Variants in SEC14L5 observed in about 807,000 individuals in gnomAD.
SEC14L5 encodes the protein SEC14 like lipid binding 5.
SEC14L5 carries 96 observed loss-of-function variants against 84.6 expected under a neutral mutation model. The observed-to-expected ratio is 1.13, with a 90% CI of 0.96 to 1.34. The LOEUF (loss-of-function observed/expected upper bound fraction) is 1.34, where lower values mean the gene tolerates loss of function less well. Ranked by LOEUF, SEC14L5 falls within the 40% of genes most tolerant of loss-of-function variation. The probability of loss-of-function intolerance (pLI) is 0.00; values close to 1 mark genes in which losing one functional copy is unlikely to be tolerated. For missense variants in SEC14L5, 1,224 were observed against 942.5 expected (o/e 1.30, Z -3.91); for synonymous variants, 546 against 383.4 (o/e 1.42, Z -4.95).
intron 2 of SEC14L5, among the ~76,000 whole-genome samples, chr16:4,985,551 T>C (rs375055102): frequency 3.3e-5 from 5 of 152,260 alleles, no homozygotes; most frequent in East Asian, 3.9e-4. Context: ...GTTGCATGTG[T>C]ATATCCAATT....
intron 3 of SEC14L5, 44 bp downstream of exon 3, chr16:4,987,750 C>T (rs375540832): frequency 2.2e-6 from 3 of 1,340,416 alleles, no homozygotes; most frequent in Non-Finnish European, 2.9e-6. Flanking sequence ...GGACCTGTTG[C>T]GGAGGTGCGG....
intron 15 of SEC14L5, among the ~76,000 whole-genome samples, chr16:5,013,591 C>T (rs932527488): frequency 8.6e-6 from 1 of 116,228 alleles, no homozygotes; most frequent in Non-Finnish European, 1.7e-5. Context: ...CAGGGTTTCA[C>T]TCTGTCACCC....
At chr16:4,999,628 AAG>A (rs1262153932) in intron 8 of SEC14L5, among the ~76,000 whole-genome samples, 1 of 151,482 alleles carries the variant, frequency 6.6e-6, no homozygotes, top group African/African-American at 2.4e-5. Context: ...TCAAAGAACA[AAG>A]AGGCCAGGCA....
intron 2 of SEC14L5, among the ~76,000 whole-genome samples, chr16:4,983,802 G>A (rs757781050): frequency 6.6e-6 from 1 of 151,648 alleles, no homozygotes; most frequent in Non-Finnish European, 1.5e-5. Flanking sequence ...GCTTGAACCT[G>A]GGAGGTGGAG....
At chr16:5,008,714 T>A in intron 14 of SEC14L5, 66 bp downstream of exon 14, 1 of 1,398,938 alleles carries the variant, frequency 7.1e-7, no homozygotes, top group South Asian at 1.2e-5. Flanking sequence ...CGTGCCAGGC[T>A]TCTGGGGATA....
At chr16:5,003,616 TGGGATG>T in intron 11 of SEC14L5, 43 bp downstream of exon 11, 2 of 130,936 alleles carry the variant, frequency 1.5e-5, no homozygotes, top group Non-Finnish European at 3.1e-5. Flanking sequence ...TGGGGGTGGG[TGGGATG>T]GGAGGGGTTC....
chr16:4,971,528 C>G (rs984233406), intron 2 of SEC14L5, among the ~76,000 whole-genome samples: 1 of 152,204 alleles, frequency 6.6e-6, no homozygotes, highest in African/African-American at 2.4e-5. Flanking sequence ...CTTTGTTGTT[C>G]ATGGCTGATT....
chr16:4,963,592 C>A (rs909613925), intron 2 of SEC14L5, among the ~76,000 whole-genome samples: 1 of 152,220 alleles, frequency 6.6e-6, no homozygotes, highest in South Asian at 2.1e-4. Flanking sequence ...GTGTTCCGCC[C>A]GCCTTGGCCT....
At chr16:5,003,605 CT>C in intron 11 of SEC14L5, 32 bp downstream of exon 11, 1 of 217,328 alleles carries the variant, frequency 4.6e-6, no homozygotes. Context: ...AGGACTCTCC[CT>C]GGGGGTGGGT....
intron 2 of SEC14L5, among the ~76,000 whole-genome samples, chr16:4,977,657 C>T (rs1294211560): frequency 2.0e-5 from 3 of 151,678 alleles, no homozygotes; most frequent in Non-Finnish European, 2.9e-5. Context: ...TGGGTAGAGC[C>T]CAGGACCTGT....
In SEC14L5 at chr16:4,971,951, G is replaced by A. The variant is rs76305152; in HGVS notation, c.63+12565G>A. ...GCATTGAGACTGTAAACAAACAAAC[G>A]CAGACATAATGTCCTATTCCAAACC... On this transcript the variant is annotated intron_variant, in intron 2 of 15. Transcript: ENST00000251170. Among the ~76,000 whole-genome samples the A allele has an allele frequency of 2.2e-3, 328 of 152,080 alleles. 3 individuals are homozygous for A. The highest frequency in any genetic ancestry group is 7.4e-3 in the African/African-American group (307 of 41,474).
At chr16:4,988,645 T>A (rs1233869363) in intron 4 of SEC14L5, among the ~76,000 whole-genome samples, 1 of 152,230 alleles carries the variant, frequency 6.6e-6, no homozygotes, top group East Asian at 1.9e-4. Flanking sequence ...TGCCTCAGTT[T>A]CCTCACGTGT....
intron 2 of SEC14L5, among the ~76,000 whole-genome samples, chr16:4,966,941 C>T (rs139886193): frequency 5.4e-4 from 82 of 152,320 alleles, no homozygotes; most frequent in Non-Finnish European, 9.7e-4. Flanking sequence ...CCGGCCAAGC[C>T]CGGGAGTGTT....
chr16:4,994,066 T>C (rs1284871796), intron 6 of SEC14L5, among the ~76,000 whole-genome samples: 1 of 152,092 alleles, frequency 6.6e-6, no homozygotes, highest in Admixed American at 6.6e-5. Flanking sequence ...GCTCTTTGTA[T>C]ATGAAGGCAA....
intron 15 of SEC14L5, 25 bp downstream of exon 15, chr16:5,011,298 C>G (rs767576132): frequency 3.1e-6 from 5 of 1,605,504 alleles, no homozygotes; most frequent in Non-Finnish European, 3.4e-6. Context: ...GAGCGGGGTC[C>G]TGGGCAGGAA....
intron 15 of SEC14L5, among the ~76,000 whole-genome samples, chr16:5,014,261 C>G (rs980085169): frequency 6.6e-6 from 1 of 152,178 alleles, no homozygotes; most frequent in African/African-American, 2.4e-5. Context: ...GCAGGAAGTT[C>G]TTGGAGGGTG....
intron 2 of SEC14L5, among the ~76,000 whole-genome samples, chr16:4,978,156 T>A (rs1301740323): frequency 1.0e-5 from 1 of 96,926 alleles, no homozygotes; most frequent in Non-Finnish European, 2.0e-5. Context: ...GGCTCACGCC[T>A]GTAATCCCAG....
intron 4 of SEC14L5, among the ~76,000 whole-genome samples, chr16:4,989,993 A>G (rs1351046686): frequency 1.3e-5 from 2 of 152,102 alleles, no homozygotes; most frequent in Non-Finnish European, 2.9e-5. Context: ...TTTTGCAAAC[A>G]TACAGATCTA....
chr16:4,963,866 T>G (rs1422036953), intron 2 of SEC14L5, among the ~76,000 whole-genome samples: 1 of 151,994 alleles, frequency 6.6e-6, no homozygotes, highest in Non-Finnish European at 1.5e-5. Context: ...ATAAATACTT[T>G]TATAGAAATG....
Sources: allele counts gnomAD v4.1 joint callset (sites outside exome capture counted in the v4.1 genomes callset), GRCh38; gene constraint gnomAD v4.1.1; transcripts MANE v1.5; gene names NCBI Gene and HGNC (gene_info 2026-07-23, HGNC 2026-07-21).